Variants in IMPDH1 observed in about 807,000 individuals in gnomAD.
IMPDH1 encodes inosine-5'-monophosphate dehydrogenase 1.
IMPDH1 carries 41 observed loss-of-function variants against 73.5 expected under a neutral mutation model. The observed-to-expected ratio is 0.56, with a 90% CI of 0.43 to 0.72. The LOEUF is 0.72. IMPDH1 is among the 30% of genes least tolerant of loss of function. The pLI is 0.00. For synonymous variants in IMPDH1, 318 were observed against 334.3 expected (o/e 0.95, Z 0.53); for missense variants, 645 against 824.8 (o/e 0.78, Z 2.67).
In IMPDH1 at chr7:128,394,405, G is replaced by A. The variant is rs369250242; in HGVS notation, c.1695-44C>T. ...GAGCAGATCAGGGCCACCAAGGGTG[G>A]AGAAGAGCGAGAGAAAGGAAGCAGG... On this transcript the variant is annotated intron_variant, in intron 15 of 16. Transcript: ENST00000338791. The surrounding 1 kb of genome is among the most constrained non-coding windows in gnomAD (Gnocchi z 5.5). The A allele has an allele frequency of 2.4e-4, 387 of 1,613,586 alleles. No individual in the cohort carries two copies. Among genetic ancestry groups the A allele is most frequent in the Non-Finnish European group, 2.9e-4 (348 of 1,179,698 alleles).
At position 128,400,844 on chromosome 7, in the gene IMPDH1, G is replaced by A. The variant is rs775425524; in HGVS notation, c.552C>T (p.Phe184=). 4 of 1,614,180 alleles carry A rather than the reference G, an allele frequency of 2.5e-6. No individual in the cohort carries two copies. The East Asian group carries it at 6.7e-5, about 27-fold the overall frequency. The part of the protein sequence containing the change: ...GFIHHNCTPE[F]QANEVRKVKK... The stretch of plus-strand genomic sequence containing the variant: ...TGACCTTCCGCACCTCGTTGGCCTG[G>A]AACTCTGGGGTGCAGTTGTGGTGAA... The change falls in exon 7 of 17, where the codon TTC becomes TTT. Residue 184 remains phenylalanine, a synonymous_variant. Coordinates refer to ENST00000338791, the MANE Select transcript of IMPDH1 (RefSeq NM_000883.4).
chr7:128,403,702 T>C lies in IMPDH1; in HGVS notation c.402+4A>G. On this transcript the variant is annotated splice_donor_region_variant and intron_variant, in intron 5 of 16. Coordinates refer to ENST00000338791, the MANE Select transcript of IMPDH1 (RefSeq NM_000883.4). ...CTCCCCTTGTCAAAGGAAGAGGTAC[T>C]CACCACCTCATCAGCTATGAAGTCT... 6.2e-7 allele frequency: 1 copy of C among 1,613,344 alleles called. No homozygotes were observed.
At chr7:128,400,968 G>T (rs758191286) in intron 6 of IMPDH1, 47 bp downstream of exon 6, 109 of 1,597,414 alleles carry the variant, frequency 6.8e-5, no homozygotes, top group Non-Finnish European at 9.1e-5. Context: ...GCCCACCATG[G>T]TCAGTTCCTG....
At chr7:128,400,009 G>T in intron 9 of IMPDH1, 86 bp downstream of exon 9, 1 of 1,075,726 alleles carries the variant, frequency 9.3e-7, no homozygotes, top group Non-Finnish European at 1.4e-6. Context: ...TGGTTGCTGG[G>T]ATAACCTGTA....
In IMPDH1 at chr7:128,394,504, A is replaced by C. The variant is rs1244200751; in HGVS notation, c.1646T>G (p.Ile549Ser). The change falls in exon 15 of 17, where the codon ATC becomes AGC. Residue 549 changes from isoleucine (I) to serine (S), a missense_variant. By Grantham distance (142) the Ile-to-Ser change is moderately radical. Transcript: ENST00000338791. This position sits in a 1 kb window ranked among gnomAD's most constrained non-coding sequence, Gnocchi z 5.5. ...QKFVPYLIAG[I>S]QHGCQDIGAR... ...CCCGATATCCTGGCAGCCGTGTTGG[A>C]TGCCTGCTATGAGGTAGGGCACGAA... The C allele has an allele frequency of 6.2e-7, 1 of 1,613,944 alleles. No homozygotes were observed. The highest frequency in any genetic ancestry group is 8.5e-7 in the Non-Finnish European group (1 of 1,179,924).
Position 128,400,174 on chromosome 7 carries a change from C to A in IMPDH1, c.795G>T (p.Thr265=), listed in dbSNP as rs757423102. ...DHTTLLSEVM[T]PRIELVVAPA... ...GAGCCACCACCAGTTCAATCCTTGG[C>A]GTCATCACCTGTGGGGCCAGGAACA... is the stretch of plus-strand genomic sequence containing the variant. The change falls in exon 9 of 17, where the codon ACG becomes ACT. Residue 265 remains threonine (T), a synonymous_variant. Transcript: ENST00000338791. 4 of 1,614,070 alleles carry A rather than the reference C, an allele frequency of 2.5e-6. No homozygotes were observed. In the South Asian group the frequency reaches 4.4e-5, roughly 18 times the overall value.
chr7:128,403,886 T>C, intron 4 of IMPDH1, 132 bp from the exon 5 acceptor site: 1 of 783,586 alleles, frequency 1.3e-6, no homozygotes. Flanking sequence ...CCCCCATCCC[T>C]ACTGCCCCAT....
At chr7:128,395,807 G>T (rs1195318827) in intron 12 of IMPDH1, among the ~76,000 whole-genome samples, 1 of 152,220 alleles carries the variant, frequency 6.6e-6, no homozygotes, top group Non-Finnish European at 1.5e-5. Context: ...CTACCTCAAA[G>T]CTTTGAACAG....
rs200085694 is a variant in IMPDH1, at chr7:128,396,916, G to T, written c.1165+16C>A. 1.3e-6 allele frequency: 2 copies of T among 1,594,482 alleles called. No homozygotes were observed. The highest frequency in any genetic ancestry group is 2.7e-5 in the African/African-American group (2 of 74,636). ...AGGGGCAGGAGCAGGCGGGTGGGAG[G>T]CGACCCCGCACTCACCGTTCCCCCC... On this transcript the variant is annotated intron_variant, in intron 11 of 16. Coordinates refer to ENST00000338791, the MANE Select transcript of IMPDH1 (RefSeq NM_000883.4). This position sits in a 1 kb window ranked among gnomAD's most constrained non-coding sequence, Gnocchi z 4.0.
At chr7:128,406,644 A>C (rs1798797838) in intron 3 of IMPDH1, among the ~76,000 whole-genome samples, 1 of 152,118 alleles carries the variant, frequency 6.6e-6, no homozygotes, top group Non-Finnish European at 1.5e-5. Flanking sequence ...TTAATTGACA[A>C]GTATTGGGTA....
Position 128,406,035 on chromosome 7 carries a change from G to A in IMPDH1, c.255-170C>T, listed in dbSNP as rs891251859. 8.2e-5 allele frequency: 21 copies of A among 255,602 alleles called. No individual in the cohort carries two copies. The East Asian group carries it at 1.1e-3, about 13-fold the overall frequency. 15.8% of individuals were successfully genotyped at this position (255,602 alleles called of 1,614,324 possible). A position where few individuals can be genotyped will look rare whatever the true frequency, so the allele number is the denominator to read the frequency against. ...CGGCAGCGGCAGGGCGGGCCAGGGC[G>A]CCGCCCTGTCCTCCCGCCCCTCCCG... On this transcript the variant is annotated intron_variant, in intron 3 of 16. Coordinates refer to ENST00000338791, the MANE Select transcript of IMPDH1 (RefSeq NM_000883.4).
rs983233583 is a variant in IMPDH1, at chr7:128,405,767, T to C, written c.353A>G (p.Asn118Ser). The C allele has an allele frequency of 1.3e-6, 2 of 1,536,830 alleles. No individual in the cohort carries two copies. Among genetic ancestry groups the C allele is most frequent in the Middle Eastern group, 2.3e-4 (1 of 4,332 alleles). ...LFASADGLTY[N>S]DFLILPGFID... The stretch of plus-strand genomic sequence containing the variant: ...TAGGGGTACGAGACCCGGCGCTTAC[T>C]TGTAGGTGAGGCCGTCGGCGCTGGC... The change falls in exon 4 of 17, where the codon AAC becomes AGC. Residue 118 changes from asparagine to serine, a missense_variant and splice_region_variant. Coordinates refer to ENST00000338791, the MANE Select transcript of IMPDH1 (RefSeq NM_000883.4).
chr7:128,401,201 G>C, intron 5 of IMPDH1, 85 bp from the exon 6 acceptor site: 1 of 964,870 alleles, frequency 1.0e-6, no homozygotes. Context: ...CCGGCACCAG[G>C]ACAGGCCCTG....
At chr7:128,403,611 C>T in intron 5 of IMPDH1, 95 bp downstream of exon 5, 2 of 1,031,980 alleles carry the variant, frequency 1.9e-6, no homozygotes, top group Admixed American at 3.4e-5. Flanking sequence ...CAAGAAAAGT[C>T]TCTCCATCTC....
rs1239960048 is a variant in IMPDH1 at position 128,403,753 on chromosome 7, C to T, written c.355G>A (p.Asp119Asn). 5.6e-6 allele frequency: 9 copies of T among 1,613,748 alleles called. No homozygotes were observed. Among genetic ancestry groups the T allele is most frequent in the Non-Finnish European group, 5.9e-6 (7 of 1,179,784 alleles). Residue 119 changes from aspartate (D) to asparagine (N), a missense_variant and splice_region_variant, in exon 5 of 17, where the codon GAC becomes AAC. Physicochemically the swap from Asp to Asn is conservative, Grantham distance 23. This residue lies in a region of IMPDH1 where 186 missense variants were observed against 186.6 expected (regional missense o/e 1.00). Coordinates refer to ENST00000338791, the MANE Select transcript of IMPDH1 (RefSeq NM_000883.4). ...FASADGLTYN[D>N]FLILPGFIDF... The stretch of plus-strand genomic sequence containing the variant: ...ATGAATCCTGGGAGAATCAGGAAGT[C>T]GCTGTGAAGACAGAGAAGTGAGTGT...
At position 128,392,886 on chromosome 7, in the gene IMPDH1, G is replaced by A; in HGVS notation, c.*121C>T. 1 of 983,506 alleles carries A rather than the reference G, an allele frequency of 1.0e-6. No individual in the cohort carries two copies. The highest frequency in any genetic ancestry group is 2.4e-5 in the East Asian group (1 of 41,206). The allele number at this position is 983,506 out of a possible 1,614,324, so 60.9% of individuals were successfully genotyped here. The stretch of plus-strand genomic sequence containing the variant: ...TCAGGACCTCCCCTCCTCTCTGCCT[G>A]GAAAGGAGCTGGAGAACCCGTAGTG... On this transcript the variant is annotated 3_prime_UTR_variant, in exon 17 of 17. Transcript: ENST00000338791.
rs1399026159 is a variant in IMPDH1, at chr7:128,409,948, G to T, written c.-47C>A. ...GGGCGGGAGCCTGGAGGCTCCCGGG[G>T]CCCCGGCTGGGCAGTGAGCGCAGCC... On this transcript the variant is annotated 5_prime_UTR_variant, in exon 1 of 17. Transcript: ENST00000338791. The T allele has an allele frequency of 2.3e-6, 3 of 1,321,392 alleles. No homozygotes were observed. The African/African-American group carries it at 4.6e-5, about 20-fold the overall frequency. The allele number at this position is 1,321,392 out of a possible 1,614,324, so 81.9% of individuals were successfully genotyped here.
At position 128,398,394 on chromosome 7, in the gene IMPDH1, C is replaced by T. The variant is rs1232828822; in HGVS notation, c.1074+20G>A. 2 of 1,607,982 alleles carry T rather than the reference C, an allele frequency of 1.2e-6. No individual in the cohort carries two copies. The highest frequency in any genetic ancestry group is 1.3e-5 in the African/African-American group (1 of 74,802). Reference sequence around the variant, plus strand: ...TGAACCACTCATCCATCTCCCCCACCACTCAGGCGGGGGCCTTACCAAGAC... The same window carrying T: ...TGAACCACTCATCCATCTCCCCCACTACTCAGGCGGGGGCCTTACCAAGAC... On this transcript the variant is annotated intron_variant, in intron 10 of 16. Coordinates refer to ENST00000338791, the MANE Select transcript of IMPDH1 (RefSeq NM_000883.4). This position sits in a 1 kb window ranked among gnomAD's most constrained non-coding sequence, Gnocchi z 4.3.
chr7:128,405,694 G>C (rs1220516856), intron 4 of IMPDH1, 73 bp downstream of exon 4: 19 of 1,484,304 alleles, frequency 1.3e-5, no homozygotes, highest in Non-Finnish European at 1.6e-5. Context: ...GGGGAGCCGC[G>C]CACGTGCAGG....
Sources: allele counts gnomAD v4.1 joint callset (sites outside exome capture counted in the v4.1 genomes callset), GRCh38; gene constraint gnomAD v4.1.1; regional missense constraint gnomAD v4.1.1; non-coding constraint Gnocchi (gnomAD v3.1); transcripts MANE v1.5; gene names NCBI Gene and HGNC (gene_info 2026-07-23, HGNC 2026-07-21).